Variants in FSTL5 observed in about 807,000 individuals in gnomAD.
FSTL5 encodes follistatin like 5.
A neutral mutation model predicts 89.1 loss-of-function variants in FSTL5; 62 were observed. The ratio of observed to expected loss-of-function variants is 0.70; its 90% CI spans 0.57 to 0.86. The LOEUF (loss-of-function observed/expected upper bound fraction) is 0.86. FSTL5 is among the 40% of genes least tolerant of loss of function. The pLI is 0.00. For missense variants in FSTL5, 1,057 were observed against 1,001.6 expected, an observed-to-expected ratio of 1.06 and a Z score of -0.75; for synonymous variants, 383 against 346.2, an observed-to-expected ratio of 1.11 and a Z score of -1.18.
At chr4:161,673,798 A>AT (rs543769832) in intron 6 of FSTL5, among the ~76,000 whole-genome samples, 1 of 151,914 alleles carries the variant, frequency 6.6e-6, no homozygotes, top group Non-Finnish European at 1.5e-5. Flanking sequence ...TTAAGGATAT[A>AT]TTTTTATATT....
At chr4:161,900,561 C>T (rs1733323196) in intron 4 of FSTL5, among the ~76,000 whole-genome samples, 1 of 144,612 alleles carries the variant, frequency 6.9e-6, no homozygotes, top group East Asian at 2.1e-4. Context: ...ATCGCTTGAA[C>T]CCGGGAGGCG....
At chr4:162,033,518 A>G (rs1468799729) in intron 3 of FSTL5, 107 bp downstream of exon 3, 2 of 613,946 alleles carry the variant, frequency 3.3e-6, no homozygotes, top group Admixed American at 3.6e-5. Flanking sequence ...ATTTTTAATT[A>G]TCATTATTTT....
chr4:161,930,078 TG>T (rs1301738819), intron 3 of FSTL5, among the ~76,000 whole-genome samples: 2 of 151,822 alleles, frequency 1.3e-5, no homozygotes, highest in African/African-American at 4.8e-5. Flanking sequence ...TGAGTTTTTC[TG>T]GCCTTGAGTC....
intron 15 of FSTL5, among the ~76,000 whole-genome samples, chr4:161,414,768 G>T (rs528460036): frequency 6.6e-4 from 101 of 152,246 alleles, no homozygotes; most frequent in African/African-American, 2.3e-3. Context: ...TTAAAACAAT[G>T]ATATGAATTC....
intron 9 of FSTL5, 74 bp downstream of exon 9, chr4:161,542,458 C>T: frequency 9.7e-7 from 1 of 1,030,196 alleles, no homozygotes; most frequent in Non-Finnish European, 1.3e-6. Flanking sequence ...TTTTATTTTC[C>T]AAAGAACGTT....
At chr4:161,966,893 T>C (rs1290625021) in intron 3 of FSTL5, among the ~76,000 whole-genome samples, 1 of 152,034 alleles carries the variant, frequency 6.6e-6, no homozygotes, top group African/African-American at 2.4e-5. Flanking sequence ...ATTCCATCTT[T>C]CTCAAATCAT....
chr4:162,105,172 TAACATATC>T (rs556274930), intron 2 of FSTL5, among the ~76,000 whole-genome samples: 215 of 152,316 alleles, frequency 1.4e-3, no homozygotes, highest in African/African-American at 5.0e-3. Context: ...CACCATCAGT[TAACATATC>T]CATTACCTCA....
intron 2 of FSTL5, among the ~76,000 whole-genome samples, chr4:162,059,579 C>T (rs1309664025): frequency 6.6e-6 from 1 of 152,152 alleles, no homozygotes; most frequent in African/African-American, 2.4e-5. Flanking sequence ...AGCCACATTT[C>T]ACTTCATTCC....
At chr4:161,864,927 T>G (rs1298783989) in intron 4 of FSTL5, among the ~76,000 whole-genome samples, 1 of 150,530 alleles carries the variant, frequency 6.6e-6, no homozygotes, top group Non-Finnish European at 1.5e-5. Flanking sequence ...CAATTCTGAC[T>G]GTATTATGTT....
chr4:162,060,423 T>G (rs1738683891), intron 2 of FSTL5, among the ~76,000 whole-genome samples: 1 of 152,110 alleles, frequency 6.6e-6, no homozygotes, highest in African/African-American at 2.4e-5. Flanking sequence ...GCTTAGTTTA[T>G]ATGATTAGAA....
rs189416144 is a variant in FSTL5 at position 161,931,995 on chromosome 4, T to C, written c.161-11343A>G. On this transcript the variant is annotated intron_variant, in intron 3 of 15. Transcript: ENST00000306100. The stretch of plus-strand genomic sequence containing the variant: ...CAGCAAAACTCAGTCATTTCAAGTA[T>C]GATGGTAGAGAAGTAAGGTTACGGG... 7.9e-5 allele frequency among the ~76,000 whole-genome samples: 12 copies of C among 152,078 alleles called. No homozygotes were observed. In the East Asian group the frequency reaches 2.1e-3, roughly 27 times the overall value.
chr4:161,775,326 G>A (rs1741368101), intron 5 of FSTL5, among the ~76,000 whole-genome samples: 2 of 151,954 alleles, frequency 1.3e-5, no homozygotes, highest in East Asian at 1.9e-4. Context: ...TAAAATCAGT[G>A]TATAGTTTTG....
intron 15 of FSTL5, among the ~76,000 whole-genome samples, chr4:161,435,567 C>T (rs1383452518): frequency 6.7e-6 from 1 of 148,854 alleles, no homozygotes; most frequent in East Asian, 1.9e-4. Context: ...TTAAAAATAA[C>T]TAAAAGAGTA....
chr4:161,943,080 G>A lies in FSTL5; in HGVS notation c.161-22428C>T, dbSNP rs1033324176. Reference sequence around the variant, plus strand: ...AATTAAGAAAACCATCCCATTTACAGTAGCATGGAAAAGAATAAAACATCT... The same window carrying A: ...AATTAAGAAAACCATCCCATTTACAATAGCATGGAAAAGAATAAAACATCT... On this transcript the variant is annotated intron_variant, in intron 3 of 15. Transcript: ENST00000306100. 2.6e-5 allele frequency among the ~76,000 whole-genome samples: 4 copies of A among 151,944 alleles called. No homozygotes were observed. The East Asian group carries it at 5.8e-4, about 22-fold the overall frequency.
At chr4:161,752,226 C>CAGAT (rs74281503) in intron 6 of FSTL5, among the ~76,000 whole-genome samples, 33,225 of 138,738 alleles carry the variant, frequency 0.24, 3,784 homozygotes, top group East Asian at 0.32. Flanking sequence ...GATAGATGGA[C>CAGAT]AGATAGATAG....
At chr4:161,780,694 T>G (rs1741633222) in intron 4 of FSTL5, among the ~76,000 whole-genome samples, 1 of 152,198 alleles carries the variant, frequency 6.6e-6, no homozygotes, top group African/African-American at 2.4e-5. Context: ...TGCACCTGTA[T>G]AGCTGGCAGT....
rs1734615933 is a variant in FSTL5, at chr4:161,611,028, A to G, written c.895-23453T>C. 4.0e-5 allele frequency among the ~76,000 whole-genome samples: 6 copies of G among 151,674 alleles called. No individual in the cohort carries two copies. The South Asian group carries it at 1.2e-3, about 32-fold the overall frequency. ...TAATGGCAACATTACTCAATTCAGC[A>G]TTCTTCATTTTATCAGAGAATAAAC... On this transcript the variant is annotated intron_variant, in intron 7 of 15. Transcript: ENST00000306100.
intron 4 of FSTL5, among the ~76,000 whole-genome samples, chr4:161,794,919 T>C (rs1184744912): frequency 6.6e-6 from 1 of 152,116 alleles, no homozygotes; most frequent in East Asian, 1.9e-4. Context: ...ACATAGTAAC[T>C]AGCTTATTGA....
chr4:161,419,026 T>C (rs143884548), intron 15 of FSTL5, among the ~76,000 whole-genome samples: 50 of 152,332 alleles, frequency 3.3e-4, no homozygotes, highest in African/African-American at 1.2e-3. Flanking sequence ...TCTCATGCAT[T>C]ATTCCCAAAA....
Sources: gnomAD v4.1 joint callset for allele counts (sites outside exome capture counted in the v4.1 genomes callset) on GRCh38, gnomAD v4.1.1 for gene constraint, MANE v1.5 for transcripts, NCBI Gene and HGNC (gene_info 2026-07-23, HGNC 2026-07-21) for gene names.